C9orf85: variants seen among roughly 807,000 people sequenced by gnomAD.
The protein encoded by C9orf85 is uncharacterized protein C9orf85.
Under a neutral mutation model 14.9 loss-of-function variants are expected in C9orf85, and 16 were observed. That is an observed-to-expected ratio of 1.08 (90% CI 0.73 to 1.63). C9orf85 has a LOEUF of 1.63. C9orf85 is among the 40% of genes most tolerant of loss of function. C9orf85 has a pLI of 0.00. For missense variants in C9orf85, 172 were observed against 186.1 expected (o/e 0.92, Z 0.44); for synonymous variants, 45 against 56.8 (o/e 0.79, Z 0.93).
At chr9:71,981,033 C>T (rs1823087705) in intron 3 of C9orf85, among the ~76,000 whole-genome samples, 1 of 152,176 alleles carries the variant, frequency 6.6e-6, no homozygotes, top group Admixed American at 6.5e-5. Flanking sequence ...TGCTATACTA[C>T]TGTCCGTAAA....
chr9:71,971,905 C>A (rs1423285286), intron 3 of C9orf85, among the ~76,000 whole-genome samples: 3 of 141,170 alleles, frequency 2.1e-5, no homozygotes, highest in Non-Finnish European at 4.5e-5. Context: ...ACTTGGGGGG[C>A]AGAGGTTGCA....
In C9orf85 at chr9:71,937,542, G is replaced by A. The variant is rs540015143; in HGVS notation, c.103-9464G>A. Reference sequence around the variant, plus strand: ...GCAGTAACAAGGAAAATGGGAGGAGGGAAATATTATTTCTTGACTAGAAAA... The same window carrying A: ...GCAGTAACAAGGAAAATGGGAGGAGAGAAATATTATTTCTTGACTAGAAAA... On this transcript the variant is annotated intron_variant, in intron 1 of 3. Transcript: ENST00000334731. Among the ~76,000 whole-genome samples, 4 of 152,164 alleles carry A rather than the reference G, an allele frequency of 2.6e-5. No individual in the cohort carries two copies. In the South Asian group the frequency reaches 8.3e-4, roughly 32 times the overall value.
chr9:71,985,392 A>G (rs1005195129), downstream of C9orf85: 3 of 152,204 alleles, frequency 2.0e-5, no homozygotes, highest in Non-Finnish European at 4.4e-5. Context: ...CTTAGTCTAG[A>G]TCGGTGGTTC....
chr9:71,944,729 A>T (rs974851333), intron 1 of C9orf85, among the ~76,000 whole-genome samples: 5 of 152,198 alleles, frequency 3.3e-5, no homozygotes, highest in African/African-American at 1.2e-4. Flanking sequence ...ATGGTAAAAC[A>T]GGTATATACT....
At chr9:71,947,436 C>T (rs1158282319) in intron 2 of C9orf85, among the ~76,000 whole-genome samples, 2 of 152,102 alleles carry the variant, frequency 1.3e-5, no homozygotes, top group African/African-American at 4.8e-5. Context: ...TAAGGTAATA[C>T]TATGCACCAT....
intron 1 of C9orf85, among the ~76,000 whole-genome samples, chr9:71,942,140 C>T (rs1255003828): frequency 6.6e-6 from 1 of 152,144 alleles, no homozygotes; most frequent in African/African-American, 2.4e-5. Context: ...GGATCTGTAC[C>T]TACATTGTAC....
intron 1 of C9orf85, among the ~76,000 whole-genome samples, chr9:71,938,002 A>C (rs979283592): frequency 6.6e-6 from 1 of 152,130 alleles, no homozygotes; most frequent in Non-Finnish European, 1.5e-5. Flanking sequence ...CAATTTTACT[A>C]CCAGAACTCA....
At chr9:71,940,472 TA>T (rs1421921531) in intron 1 of C9orf85, among the ~76,000 whole-genome samples, 12 of 152,070 alleles carry the variant, frequency 7.9e-5, no homozygotes, top group African/African-American at 2.7e-4. Flanking sequence ...CGATGGCAAG[TA>T]AACACATCAA....
At chr9:71,974,520 G>A (rs1822968412), downstream of C9orf85, among the ~76,000 whole-genome samples, 1 of 152,330 alleles carries the variant, frequency 6.6e-6, no homozygotes, top group South Asian at 2.1e-4. Flanking sequence ...TGGAATTACA[G>A]ACATGAGCCT....
chr9:71,975,074 A>AT (rs1233343531), downstream of C9orf85, among the ~76,000 whole-genome samples: 7 of 152,256 alleles, frequency 4.6e-5, no homozygotes, highest in African/African-American at 1.7e-4. Context: ...TTTCACTGAC[A>AT]TCAGAAAATA....
At chr9:71,920,495 C>CA (rs1357882982) in intron 1 of C9orf85, among the ~76,000 whole-genome samples, 2 of 152,124 alleles carry the variant, frequency 1.3e-5, no homozygotes, top group East Asian at 3.9e-4. Flanking sequence ...GGGCCATTTT[C>CA]CTTTTAGAGA....
At chr9:71,937,368 C>A (rs546033089) in intron 1 of C9orf85, among the ~76,000 whole-genome samples, 11 of 152,212 alleles carry the variant, frequency 7.2e-5, no homozygotes, top group African/African-American at 1.9e-4. Context: ...TGTACACAGA[C>A]CCTGTCTGCA....
chr9:71,962,107 A>T (rs1822536454), intron 2 of C9orf85, among the ~76,000 whole-genome samples: 1 of 152,150 alleles, frequency 6.6e-6, no homozygotes, highest in Non-Finnish European at 1.5e-5. Context: ...TTGAGGCTTC[A>T]ATGAGCTGTG....
chr9:71,948,804 G>A (rs1564092533), intron 2 of C9orf85, among the ~76,000 whole-genome samples: 1 of 144,142 alleles, frequency 6.9e-6, no homozygotes, highest in South Asian at 2.2e-4. Flanking sequence ...GATTACAGGC[G>A]TGAGCCACGC....
chr9:71,964,724 A>G (rs1380655235), intron 2 of C9orf85, among the ~76,000 whole-genome samples: 62 of 152,136 alleles, frequency 4.1e-4, no homozygotes, highest in Non-Finnish European at 4.4e-5. Context: ...GAACCCACCA[A>G]TTCCGGATAC....
intron 3 of C9orf85, among the ~76,000 whole-genome samples, chr9:71,971,856 C>A (rs1822878422): frequency 6.6e-6 from 1 of 151,820 alleles, no homozygotes; most frequent in East Asian, 1.9e-4. Context: ...CGCCTGTAAT[C>A]CCAATTACTC....
intron 2 of C9orf85, among the ~76,000 whole-genome samples, chr9:71,970,241 C>T (rs1356933578): frequency 6.6e-6 from 1 of 152,198 alleles, no homozygotes; most frequent in Non-Finnish European, 1.5e-5. Context: ...AGCCACGGCA[C>T]CCGGCCAGTT....
chr9:71,948,823 C>G (rs1394027816), intron 2 of C9orf85, among the ~76,000 whole-genome samples: 5 of 149,562 alleles, frequency 3.3e-5, no homozygotes, highest in African/African-American at 9.8e-5. Context: ...GCCCCCCCCC[C>G]CCCCTTTAAA....
intron 2 of C9orf85, among the ~76,000 whole-genome samples, chr9:71,964,941 C>T (rs572769318): frequency 6.6e-6 from 1 of 152,298 alleles, no homozygotes; most frequent in South Asian, 2.1e-4. Flanking sequence ...GCCTTTAGTC[C>T]AGTCAGGAGC....
Sources: gnomAD v4.1 joint callset for allele counts (sites outside exome capture counted in the v4.1 genomes callset) on GRCh38, gnomAD v4.1.1 for gene constraint, MANE v1.5 for transcripts, NCBI Gene and HGNC (gene_info 2026-07-23, HGNC 2026-07-21) for gene names.